FAF2: variants seen among roughly 807,000 people sequenced by gnomAD.
FAF2 encodes the protein Fas associated factor family member 2.
FAF2 carries 9 observed loss-of-function variants against 62.3 expected under a neutral mutation model. That is an observed-to-expected ratio of 0.14 (90% confidence interval 0.09 to 0.25). FAF2 has a LOEUF of 0.25. Ranked by LOEUF, FAF2 falls within the 10% of genes least tolerant of loss-of-function variation. The probability of loss-of-function intolerance (pLI) is 1.00; values close to 1 mark genes in which losing one functional copy is unlikely to be tolerated. For missense variants in FAF2, 368 were observed against 556.2 expected, an observed-to-expected ratio of 0.66 and a Z score of 3.40; for synonymous variants, 202 against 198.0, an observed-to-expected ratio of 1.02 and a Z score of -0.17.
intron 1 of FAF2, among the ~76,000 whole-genome samples, chr5:176,459,842 G>A (rs960715453): frequency 6.6e-6 from 1 of 151,942 alleles, no homozygotes; most frequent in Non-Finnish European, 1.5e-5. Context: ...TGTAAGCATA[G>A]TATCCAACAG....
intron 3 of FAF2, among the ~76,000 whole-genome samples, chr5:176,487,042 T>A (rs1439056750): frequency 6.6e-6 from 1 of 152,224 alleles, no homozygotes; most frequent in African/African-American, 2.4e-5. Context: ...TGCTTGGACT[T>A]TCTTTTTCTT....
chr5:176,455,082 A>T (rs1213627892), intron 1 of FAF2, among the ~76,000 whole-genome samples: 1 of 152,204 alleles, frequency 6.6e-6, no homozygotes, highest in Non-Finnish European at 1.5e-5. Flanking sequence ...TGCTAAAAAA[A>T]AAAATTGTTG....
At chr5:176,496,790 T>C (rs973486394) in intron 8 of FAF2, 127 bp downstream of exon 8, 3 of 637,638 alleles carry the variant, frequency 4.7e-6, no homozygotes, top group Non-Finnish European at 4.9e-6. Flanking sequence ...GCTTTGCCCA[T>C]TTATTGTCAA....
At position 176,500,046 on chromosome 5, in the gene FAF2, CT is replaced by C; in HGVS notation, c.1056del (p.Glu353AsnfsTer22). 6.2e-7 allele frequency: 1 copy of C among 1,614,192 alleles called. No homozygotes were observed. Among genetic ancestry groups the C allele is most frequent in the Non-Finnish European group, 8.5e-7 (1 of 1,180,044 alleles). ...GAAAGGAAGTTGGAATGCCTGCCCC[CT>C]GAACCTTCCCCTGATGACCCTGAAA... The part of the protein sequence containing the change: ...EKERKLECLP[P>X]EPSPDDPESV... On this transcript the variant is annotated frameshift_variant, in exon 10 of 11. Coordinates refer to ENST00000261942, the MANE Select transcript of FAF2 (RefSeq NM_014613.3). LOFTEE classifies it high-confidence loss of function.
At chr5:176,448,591 TCC>T in intron 1 of FAF2, 121 bp downstream of exon 1, 1 of 927,064 alleles carries the variant, frequency 1.1e-6, no homozygotes, top group Non-Finnish European at 1.5e-6. Context: ...GCCGGCCCCC[TCC>T]CCCCCAGACT....
chr5:176,491,056 A>G (rs1050403645), intron 4 of FAF2, among the ~76,000 whole-genome samples: 1 of 152,170 alleles, frequency 6.6e-6, no homozygotes, highest in South Asian at 2.1e-4. Flanking sequence ...CACAGGGGGA[A>G]TTTGTTGGGA....
Position 176,507,012 on chromosome 5 carries a change from C to A in FAF2, c.*62C>A. ...TAAAAGAAATGGGGAAAAAAGAAAACAACAGCAAGTCAGAAAAAAAAAACA... is the reference window on the plus strand; with the variant it reads ...TAAAAGAAATGGGGAAAAAAGAAAAAAACAGCAAGTCAGAAAAAAAAAACA... On this transcript the variant is annotated 3_prime_UTR_variant, in exon 11 of 11. Coordinates refer to ENST00000261942, the MANE Select transcript of FAF2 (RefSeq NM_014613.3). 1 of 1,160,044 alleles carries A rather than the reference C, an allele frequency of 8.6e-7. No individual in the cohort carries two copies. The highest frequency in any genetic ancestry group is 3.0e-5 in the South Asian group (1 of 33,542). The allele number at this position is 1,160,044 out of a possible 1,614,324, so 71.9% of individuals were successfully genotyped here. A position where few individuals can be genotyped will look rare whatever the true frequency, so the allele number is the denominator to read the frequency against.
chr5:176,484,542 G>A (rs1026336899), intron 2 of FAF2, among the ~76,000 whole-genome samples: 2 of 152,186 alleles, frequency 1.3e-5, no homozygotes, highest in Non-Finnish European at 1.5e-5. Flanking sequence ...CAGGAGTAGT[G>A]ATGCTGGCAA....
rs79289811 is a variant in FAF2, at chr5:176,466,155, G to A, written c.64-13033G>A. ...TTAAATGTGAATAATAAAGATCTGAGTGTGTGTAAGAGTTTAAATTACTTT... is the reference window on the plus strand; with the variant it reads ...TTAAATGTGAATAATAAAGATCTGAATGTGTGTAAGAGTTTAAATTACTTT... On this transcript the variant is annotated intron_variant, in intron 1 of 10. Coordinates refer to ENST00000261942, the MANE Select transcript of FAF2 (RefSeq NM_014613.3). Among the ~76,000 whole-genome samples the A allele has an allele frequency of 6.4e-4, 97 of 152,260 alleles. 1 individual carries two copies. Among genetic ancestry groups the A allele is most frequent in the African/African-American group, 2.3e-3 (95 of 41,558 alleles).
intron 10 of FAF2, among the ~76,000 whole-genome samples, chr5:176,505,183 G>C (rs1755654645): frequency 6.6e-6 from 1 of 152,174 alleles, no homozygotes; most frequent in Admixed American, 6.6e-5. Context: ...AACTTGAATG[G>C]TATGTTCGTC....
At position 176,494,144 on chromosome 5, in the gene FAF2, C is replaced by T; in HGVS notation, c.570-40C>T. 1 of 1,607,850 alleles carries T rather than the reference C, an allele frequency of 6.2e-7. No individual in the cohort carries two copies. Among genetic ancestry groups the T allele is most frequent in the Non-Finnish European group, 8.5e-7 (1 of 1,175,748 alleles). On this transcript the variant is annotated intron_variant, in intron 6 of 10. Transcript: ENST00000261942. This position sits in a 1 kb window ranked among gnomAD's most constrained non-coding sequence, Gnocchi z 4.0. ...ACTCTTTCTGGTGACAGTTTATAGT[C>T]AGCAAGTTGTTCTCATATCCTTTTC...
intron 1 of FAF2, among the ~76,000 whole-genome samples, chr5:176,471,772 C>G (rs1003143966): frequency 6.7e-6 from 1 of 150,300 alleles, no homozygotes; most frequent in Non-Finnish European, 1.5e-5. Flanking sequence ...CCGCAACCAC[C>G]TCCGCCCCCC....
intron 1 of FAF2, among the ~76,000 whole-genome samples, chr5:176,474,506 G>T (rs1448201102): frequency 6.6e-6 from 1 of 152,076 alleles, no homozygotes; most frequent in Non-Finnish European, 1.5e-5. Context: ...AGATTCTTTT[G>T]TCAAAGTCTG....
intron 1 of FAF2, among the ~76,000 whole-genome samples, chr5:176,475,196 G>A (rs560003184): frequency 4.6e-5 from 7 of 152,216 alleles, no homozygotes; most frequent in Non-Finnish European, 8.8e-5. Context: ...GTGCAGTGGC[G>A]CAGTTTACTG....
intron 1 of FAF2, 73 bp downstream of exon 1, chr5:176,448,543 C>G: frequency 7.0e-7 from 1 of 1,436,076 alleles, no homozygotes; most frequent in Non-Finnish European, 9.5e-7. Context: ...GTTCAGAACC[C>G]TCCTCAGATT....
intron 1 of FAF2, among the ~76,000 whole-genome samples, chr5:176,449,650 G>T (rs1758131233): frequency 6.6e-6 from 1 of 152,094 alleles, no homozygotes; most frequent in Non-Finnish European, 1.5e-5. Context: ...GGGCCTTGTA[G>T]ACTGCAAAAT....
chr5:176,499,207 A>G, intron 9 of FAF2, 122 bp downstream of exon 9: 1 of 896,938 alleles, frequency 1.1e-6, no homozygotes, highest in African/African-American at 1.7e-5. Flanking sequence ...GAAAAAAAAA[A>G]AGGAAAAAGG....
intron 1 of FAF2, among the ~76,000 whole-genome samples, chr5:176,461,502 T>A (rs114427419): frequency 0.014 from 2,142 of 151,410 alleles, 40 homozygotes; most frequent in African/African-American, 0.049. Context: ...TATTTTATTT[T>A]TTTTTTTTAG....
At chr5:176,470,613 C>T (rs969734613) in intron 1 of FAF2, among the ~76,000 whole-genome samples, 1 of 152,168 alleles carries the variant, frequency 6.6e-6, no homozygotes, top group African/African-American at 2.4e-5. Flanking sequence ...CTTTACCTAA[C>T]TTATACTAGG....
Sources: allele counts gnomAD v4.1 joint callset (sites outside exome capture counted in the v4.1 genomes callset), GRCh38; gene constraint gnomAD v4.1.1; non-coding constraint Gnocchi (gnomAD v3.1); transcripts MANE v1.5; gene names NCBI Gene and HGNC (gene_info 2026-07-23, HGNC 2026-07-21).